VTCN1: variants seen among roughly 807,000 people sequenced by gnomAD.
VTCN1 encodes V-set domain containing T cell activation inhibitor 1, also known as V-set domain-containing T-cell activation inhibitor 1.
A neutral mutation model predicts 26.5 loss-of-function variants in VTCN1; 26 were observed. That is an observed-to-expected ratio of 0.98 (90% CI 0.72 to 1.36). The LOEUF (loss-of-function observed/expected upper bound fraction) is 1.36, where lower values mean the gene tolerates loss of function less well. Ranked by LOEUF, VTCN1 falls within the 40% of genes most tolerant of loss-of-function variation. The pLI, the probability that VTCN1 is intolerant of heterozygous loss-of-function variation, is 0.00. For missense variants in VTCN1, 298 were observed against 337.7 expected, an observed-to-expected ratio of 0.88 and a Z score of 0.92; for synonymous variants, 116 against 130.7, an observed-to-expected ratio of 0.89 and a Z score of 0.77.
Position 117,177,223 on chromosome 1 carries a change from G to A in VTCN1, c.33-7052C>T, listed in dbSNP as rs529622450. On this transcript the variant is annotated intron_variant, in intron 1 of 5. Transcript: ENST00000369458. ...TATTTTAAATGCTATGTGGAATAAA[G>A]CATTGGGCTTCAAGGTAAAACTAAC... Among the ~76,000 whole-genome samples the A allele has an allele frequency of 2.6e-5, 4 of 152,336 alleles. No individual in the cohort carries two copies. The South Asian group carries it at 8.3e-4, about 32-fold the overall frequency.
chr1:117,208,019 T>G (rs1397452569), intron 1 of VTCN1, among the ~76,000 whole-genome samples: 1 of 152,118 alleles, frequency 6.6e-6, no homozygotes, highest in African/African-American at 2.4e-5. Flanking sequence ...CTCTGAAGGC[T>G]CTGAAGGCTC....
At chr1:117,150,356 A>G (rs999918795) in intron 4 of VTCN1, among the ~76,000 whole-genome samples, 5 of 152,228 alleles carry the variant, frequency 3.3e-5, no homozygotes, top group African/African-American at 1.2e-4. Context: ...GAGAGAATTA[A>G]GTAGAAATGA....
chr1:117,188,128 T>C (rs1648043368), intron 1 of VTCN1, among the ~76,000 whole-genome samples: 2 of 152,218 alleles, frequency 1.3e-5, no homozygotes, highest in African/African-American at 2.4e-5. Context: ...GAGCTTGTAA[T>C]GTGTTCTTGA....
intron 1 of VTCN1, among the ~76,000 whole-genome samples, chr1:117,174,057 TGC>T (rs201118884): frequency 0.57 from 87,124 of 151,962 alleles, 26,405 homozygotes; most frequent in East Asian, 0.9. Flanking sequence ...AATTAATTCT[TGC>T]CTATTGCTTA....
At chr1:117,164,681 T>C (rs935901246) in intron 2 of VTCN1, among the ~76,000 whole-genome samples, 2 of 152,196 alleles carry the variant, frequency 1.3e-5, no homozygotes, top group African/African-American at 4.8e-5. Context: ...GATATACAGT[T>C]AGTGTGAGCG....
In VTCN1 at chr1:117,196,425, C is replaced by T. The variant is rs143972353; in HGVS notation, c.32+14399G>A. ...ATATAGAGAGAGAGAGAGAGAGAGA[C>T]GGAAAAAAAAGACTGGAAGGACATA... is the stretch of plus-strand genomic sequence containing the variant. On this transcript the variant is annotated intron_variant, in intron 1 of 5. Transcript: ENST00000369458. Among the ~76,000 whole-genome samples, 241 of 147,924 alleles carry T rather than the reference C, an allele frequency of 1.6e-3. 1 individual carries two copies. Among genetic ancestry groups the T allele is most frequent in the African/African-American group, 5.0e-3 (199 of 39,838 alleles).
chr1:117,170,039 C>T (rs370245020), intron 2 of VTCN1, 68 bp downstream of exon 2: 35 of 1,434,358 alleles, frequency 2.4e-5, no homozygotes, highest in Admixed American at 1.2e-4. Context: ...TCCATGCTAA[C>T]GCACTGAGTG....
intron 1 of VTCN1, among the ~76,000 whole-genome samples, 189 bp downstream of exon 1, chr1:117,210,635 C>T (rs910808230): frequency 2.6e-5 from 4 of 152,222 alleles, no homozygotes; most frequent in African/African-American, 9.6e-5. Context: ...GTGCCTTGAG[C>T]AGCTGAGGTG....
chr1:117,192,774 G>T (rs1210030152), intron 1 of VTCN1, among the ~76,000 whole-genome samples: 1 of 151,904 alleles, frequency 6.6e-6, no homozygotes, highest in Non-Finnish European at 1.5e-5. Context: ...GTAGACAAAA[G>T]ATAAAGAGAA....
chr1:117,207,824 A>T (rs1479610383), intron 1 of VTCN1, among the ~76,000 whole-genome samples: 1 of 152,116 alleles, frequency 6.6e-6, no homozygotes. Flanking sequence ...CCAATCATTG[A>T]TCAAATATCA....
At chr1:117,177,498 G>A (rs1206041629) in intron 1 of VTCN1, among the ~76,000 whole-genome samples, 1 of 152,166 alleles carries the variant, frequency 6.6e-6, no homozygotes, top group Non-Finnish European at 1.5e-5. Flanking sequence ...GTCATTATGT[G>A]GGGCTTGAGG....
chr1:117,157,122 C>G (rs1193799926), intron 2 of VTCN1: 2 of 564,152 alleles, frequency 3.5e-6, no homozygotes, highest in Non-Finnish European at 5.1e-6. Flanking sequence ...TATAGCAGAT[C>G]TGTCATATAT....
At chr1:117,197,096 C>T (rs576910069) in intron 1 of VTCN1, among the ~76,000 whole-genome samples, 1 of 152,192 alleles carries the variant, frequency 6.6e-6, no homozygotes, top group Admixed American at 6.5e-5. Context: ...ATTTTTCTGC[C>T]TCAGAAAATC....
intron 2 of VTCN1, among the ~76,000 whole-genome samples, chr1:117,168,596 C>A (rs1652732982): frequency 6.6e-6 from 1 of 152,070 alleles, no homozygotes; most frequent in Admixed American, 6.6e-5. Context: ...TGAAAAACAT[C>A]ATTAAGAGAG....
At chr1:117,168,175 C>G (rs1652713597) in intron 2 of VTCN1, among the ~76,000 whole-genome samples, 1 of 151,940 alleles carries the variant, frequency 6.6e-6, no homozygotes, top group Non-Finnish European at 1.5e-5. Context: ...AGAAAACAAC[C>G]AAGATTATGA....
chr1:117,168,014 C>G (rs888868258), intron 2 of VTCN1, among the ~76,000 whole-genome samples: 1 of 150,964 alleles, frequency 6.6e-6, no homozygotes, highest in Admixed American at 6.6e-5. Context: ...GAAAAAAAAC[C>G]GAAATTATGA....
Position 117,169,632 on chromosome 1 carries a change from C to T in VTCN1, c.97+475G>A, listed in dbSNP as rs1409435842. On this transcript the variant is annotated intron_variant, in intron 2 of 5. Transcript: ENST00000369458. The surrounding 1 kb of genome is among the most constrained non-coding windows in gnomAD (Gnocchi z 4.0). The stretch of plus-strand genomic sequence containing the variant: ...ACTAGCCTGGGCACGGTGGCTCAGG[C>T]CGGCAATCCCAGCACTTTGGGAGGC... Among the ~76,000 whole-genome samples, 2 of 152,188 alleles carry T rather than the reference C, an allele frequency of 1.3e-5. No individual in the cohort carries two copies. Among genetic ancestry groups the T allele is most frequent in the African/African-American group, 2.4e-5 (1 of 41,432 alleles).
chr1:117,148,444 G>A (rs1651625003), intron 4 of VTCN1, among the ~76,000 whole-genome samples: 1 of 152,138 alleles, frequency 6.6e-6, no homozygotes, highest in African/African-American at 2.4e-5. Flanking sequence ...ACTTAGAACA[G>A]TGTCTGGCCT....
chr1:117,188,300 T>C (rs140990430), intron 1 of VTCN1, among the ~76,000 whole-genome samples: 22 of 152,272 alleles, frequency 1.4e-4, no homozygotes, highest in African/African-American at 4.8e-4. Flanking sequence ...CACTCTTTTA[T>C]GAAGCAAGGA....
Sources: allele counts gnomAD v4.1 joint callset (sites outside exome capture counted in the v4.1 genomes callset), GRCh38; gene constraint gnomAD v4.1.1; non-coding constraint Gnocchi (gnomAD v3.1); transcripts MANE v1.5; gene names NCBI Gene and HGNC (gene_info 2026-07-23, HGNC 2026-07-21).